PDZD2: variants seen among roughly 807,000 people sequenced by gnomAD.
PDZD2 encodes PDZ domain-containing protein 2.
In PDZD2, 90 loss-of-function variants were observed where a neutral mutation model predicts 220.7. That is an observed-to-expected ratio of 0.41 (90% CI 0.34 to 0.49). The LOEUF is 0.49. Ranked by LOEUF, PDZD2 falls within the 20% of genes least tolerant of loss-of-function variation. PDZD2 has a pLI of 0.28. For missense variants in PDZD2, 3,174 were observed against 3,608.5 expected, an observed-to-expected ratio of 0.88 and a Z score of 3.08; for synonymous variants, 1,375 against 1,450.5, an observed-to-expected ratio of 0.95 and a Z score of 1.18.
chr5:31,670,526 C>T (rs1362366127), intron 1 of PDZD2, among the ~76,000 whole-genome samples: 2 of 152,146 alleles, frequency 1.3e-5, no homozygotes, highest in Admixed American at 6.5e-5. Flanking sequence ...AAACGATGCT[C>T]CTGCCTCAGC....
At chr5:31,644,672 A>G (rs561167124) in intron 1 of PDZD2, among the ~76,000 whole-genome samples, 1 of 152,336 alleles carries the variant, frequency 6.6e-6, no homozygotes, top group East Asian at 1.9e-4. Context: ...GGGGCCAGCA[A>G]ACAGTCTCCA....
At chr5:31,982,354 C>G (rs1383987729) in intron 2 of PDZD2, among the ~76,000 whole-genome samples, 1 of 152,230 alleles carries the variant, frequency 6.6e-6, no homozygotes, top group Non-Finnish European at 1.5e-5. Flanking sequence ...GTCACCCAGG[C>G]TGGAATGCAG....
At position 32,048,701 on chromosome 5, in the gene PDZD2, G is replaced by A; in HGVS notation, c.1665+17G>A. 2 of 1,613,518 alleles carry A rather than the reference G, an allele frequency of 1.2e-6. No homozygotes were observed. The highest frequency in any genetic ancestry group is 1.7e-6 in the Non-Finnish European group (2 of 1,179,614). On this transcript the variant is annotated intron_variant, in intron 8 of 24. Coordinates refer to ENST00000438447, the MANE Select transcript of PDZD2 (RefSeq NM_178140.4). ...GCCTCACAGGTCCGACCAGGGCTGT[G>A]GATCTTTTCAAAGACCATAAGGGCT...
Position 32,109,243 on chromosome 5 carries a change from G to A in PDZD2, c.*1108G>A, listed in dbSNP as rs956635474. On this transcript the variant is annotated 3_prime_UTR_variant, in exon 25 of 25. Coordinates refer to ENST00000438447, the MANE Select transcript of PDZD2 (RefSeq NM_178140.4). ...CTCTTTCCCAACATGTTTAAGAAAT[G>A]TAACATTCTAAGTATTGGATCTCTT... 2.0e-5 allele frequency: 3 copies of A among 152,162 alleles called. No individual in the cohort carries two copies. The highest frequency in any genetic ancestry group is 7.2e-5 in the African/African-American group (3 of 41,418). The allele number at this position is 152,162 out of a possible 1,614,324, so 9.4% of individuals were successfully genotyped here. A position where few individuals can be genotyped will look rare whatever the true frequency, so the allele number is the denominator to read the frequency against.
Position 31,819,923 on chromosome 5 carries a change from A to G in PDZD2, c.476+20199A>G, listed in dbSNP as rs2150253434. Among the ~76,000 whole-genome samples, 3 of 152,328 alleles carry G rather than the reference A, an allele frequency of 2.0e-5. No homozygotes were observed. The Middle Eastern group carries it at 0.01, about 518-fold the overall frequency. On this transcript the variant is annotated intron_variant, in intron 2 of 24. Transcript: ENST00000438447. ...AATCATACTACGTGCAGAATTCTCT[A>G]TTATCCTTTTCTTACCCACACAATG...
intron 1 of PDZD2, among the ~76,000 whole-genome samples, chr5:31,699,977 C>G (rs548298036): frequency 6.6e-6 from 1 of 151,934 alleles, no homozygotes; most frequent in Non-Finnish European, 1.5e-5. Context: ...CTTGGGGAAC[C>G]CTTGAAGAAT....
chr5:31,981,130 G>A (rs1021637662), intron 2 of PDZD2, among the ~76,000 whole-genome samples: 63 of 152,082 alleles, frequency 4.1e-4, no homozygotes, highest in African/African-American at 1.5e-3. Flanking sequence ...TATTTTGCAC[G>A]GTGACCTGGC....
intron 2 of PDZD2, among the ~76,000 whole-genome samples, chr5:31,975,877 C>T (rs1050979002): frequency 7.3e-6 from 1 of 136,848 alleles, no homozygotes. Flanking sequence ...AGTCATGGCT[C>T]ACTGCAGCCT....
intron 23 of PDZD2, 119 bp from the exon 24 acceptor site, chr5:32,100,986 A>G: frequency 6.3e-7 from 1 of 1,595,954 alleles, no homozygotes; most frequent in South Asian, 1.1e-5. Flanking sequence ...CCCAGGGTAG[A>G]TGGGACTTGA....
intron 2 of PDZD2, among the ~76,000 whole-genome samples, chr5:31,922,760 G>GC (rs1007599449): frequency 1.1e-4 from 17 of 151,306 alleles, no homozygotes; most frequent in Admixed American, 2.6e-4. Context: ...CCTCTGCCCC[G>GC]CCCCCCCCTC....
At chr5:31,966,329 G>A (rs573588633) in intron 2 of PDZD2, among the ~76,000 whole-genome samples, 5 of 152,302 alleles carry the variant, frequency 3.3e-5, no homozygotes, top group African/African-American at 4.8e-5. Context: ...TAAAACCCAC[G>A]TTAGTTTTTG....
chr5:31,983,620 G>A lies in PDZD2; in HGVS notation c.942G>A (p.Gly314=), dbSNP rs1561262657. The A allele has an allele frequency of 1.2e-6, 2 of 1,614,092 alleles. No individual in the cohort carries two copies. The highest frequency in any genetic ancestry group is 1.3e-5 in the African/African-American group (1 of 75,044). Residue 314 remains glycine (G), a synonymous_variant, in exon 3 of 25, where the codon GGG becomes GGA. Transcript: ENST00000438447. ...ACAAACGCCGCTTCTCAAAAGGTGG[G>A]AAGACGGACTTCCAATCGAGTGACT... The part of the protein sequence containing the change: ...SNDKRRFSKG[G]KTDFQSSDCL...
intron 2 of PDZD2, among the ~76,000 whole-genome samples, chr5:31,829,366 T>C (rs1756412903): frequency 6.6e-6 from 1 of 151,880 alleles, no homozygotes; most frequent in East Asian, 1.9e-4. Flanking sequence ...CTTGCTCTGT[T>C]GCCAAGGCTG....
rs568448477 is a variant in PDZD2, at chr5:31,758,973, C to G, written c.-360-39916C>G. The stretch of plus-strand genomic sequence containing the variant: ...TGGTCCTGCTTGGCTGTGTTTCCCA[C>G]TCCCTCCTCCTCTTCCACCTCCATT... On this transcript the variant is annotated intron_variant, in intron 1 of 24. Coordinates refer to ENST00000438447, the MANE Select transcript of PDZD2 (RefSeq NM_178140.4). Among the ~76,000 whole-genome samples, 4 of 152,266 alleles carry G rather than the reference C, an allele frequency of 2.6e-5. No homozygotes were observed. The South Asian group carries it at 8.3e-4, about 32-fold the overall frequency.
intron 1 of PDZD2, among the ~76,000 whole-genome samples, chr5:31,763,653 T>TC (rs1367587531): frequency 6.6e-6 from 1 of 152,036 alleles, no homozygotes; most frequent in Non-Finnish European, 1.5e-5. Flanking sequence ...AGACCCTCTT[T>TC]CCTGGCATGG....
At chr5:31,797,468 G>A (rs1754116087) in intron 1 of PDZD2, among the ~76,000 whole-genome samples, 1 of 151,972 alleles carries the variant, frequency 6.6e-6, no homozygotes, top group African/African-American at 2.4e-5. Flanking sequence ...ACACACGCCT[G>A]GGATTACAGG....
At chr5:31,697,760 T>C (rs1048111295) in intron 1 of PDZD2, among the ~76,000 whole-genome samples, 24 of 152,122 alleles carry the variant, frequency 1.6e-4, no homozygotes, top group Non-Finnish European at 2.8e-4. Flanking sequence ...TGCTCAGTAA[T>C]ACAACCTCCC....
chr5:31,779,100 A>G (rs1561453173), intron 1 of PDZD2, among the ~76,000 whole-genome samples: 1 of 152,096 alleles, frequency 6.6e-6, no homozygotes. Flanking sequence ...CCCATTACCT[A>G]TGTGACAGAA....
At chr5:31,814,354 T>C (rs933489197) in intron 2 of PDZD2, among the ~76,000 whole-genome samples, 1 of 152,112 alleles carries the variant, frequency 6.6e-6, no homozygotes, top group Non-Finnish European at 1.5e-5. Flanking sequence ...AGACATAATC[T>C]CAAAAGGTCC....
Sources: gnomAD v4.1 joint callset for allele counts (sites outside exome capture counted in the v4.1 genomes callset) on GRCh38, gnomAD v4.1.1 for gene constraint, MANE v1.5 for transcripts, NCBI Gene and HGNC (gene_info 2026-07-23, HGNC 2026-07-21) for gene names.